Variants in ANKRD30B observed in about 807,000 individuals in gnomAD.
ANKRD30B encodes ankyrin repeat domain 30B.
ANKRD30B carries 144 observed loss-of-function variants against 202.2 expected under a neutral mutation model. The observed-to-expected ratio is 0.71, with a 90% CI of 0.62 to 0.82. The LOEUF (loss-of-function observed/expected upper bound fraction) is 0.82. Among genes scored for constraint, ANKRD30B ranks in the 40% least tolerant of loss-of-function variants. The pLI, the probability that ANKRD30B is intolerant of heterozygous loss-of-function variation, is 0.00. For synonymous variants in ANKRD30B, 508 were observed against 561.3 expected, an observed-to-expected ratio of 0.91 and a Z score of 1.34; for missense variants, 1,487 against 1,669.1, an observed-to-expected ratio of 0.89 and a Z score of 1.90.
chr18:14,876,064 T>G, the ANKRD30B span, among the ~76,000 whole-genome samples: 1 of 151,872 alleles, frequency 6.6e-6, no homozygotes, highest in African/African-American at 2.4e-5. Context: ...TTTGGACAAC[T>G]AATGTGCCTA....
the ANKRD30B span, among the ~76,000 whole-genome samples, chr18:14,921,587 T>G: frequency 6.6e-6 from 1 of 152,074 alleles, no homozygotes; most frequent in Non-Finnish European, 1.5e-5. Context: ...TAGAATAGCC[T>G]TCTAAACCAA....
rs1163180273 is a variant in ANKRD30B, at chr18:14,787,290, A to G, written c.1734+190A>G. On this transcript the variant is annotated intron_variant, in intron 15 of 43. Transcript: ENST00000690538. Reference sequence around the variant, plus strand: ...TACCACTTCATGGTGAAATTCTGTGAATTTGTAGGATTAATTTAAGAAGCC... The same window carrying G: ...TACCACTTCATGGTGAAATTCTGTGGATTTGTAGGATTAATTTAAGAAGCC... 2.6e-5 allele frequency among the ~76,000 whole-genome samples: 4 copies of G among 152,260 alleles called. No individual in the cohort carries two copies. In the South Asian group the frequency reaches 6.2e-4, roughly 24 times the overall value.
chr18:14,874,748 C>G, the ANKRD30B span, among the ~76,000 whole-genome samples: 1 of 152,342 alleles, frequency 6.6e-6, no homozygotes, highest in Non-Finnish European at 1.5e-5. Context: ...TTATCTATCC[C>G]TGTTCTTCCC....
At chr18:14,881,953 CCT>C in the ANKRD30B span, among the ~76,000 whole-genome samples, 23 of 152,036 alleles carry the variant, frequency 1.5e-4, no homozygotes, top group Admixed American at 1.3e-3. Context: ...TGTAATATCC[CCT>C]GTTTCATTTC....
intron 16 of ANKRD30B, among the ~76,000 whole-genome samples, chr18:14,792,647 A>T (rs548974343): frequency 3.3e-5 from 5 of 151,922 alleles, no homozygotes; most frequent in African/African-American, 1.2e-4. Context: ...GGTGCTCCAG[A>T]GACTTTTGGA....
intron 39 of ANKRD30B, among the ~76,000 whole-genome samples, chr18:14,846,123 T>C (rs1971628533): frequency 1.3e-5 from 2 of 152,004 alleles, no homozygotes; most frequent in African/African-American, 4.8e-5. Flanking sequence ...TACTTGAGAG[T>C]CTTCTAATGT....
chr18:14,883,369 G>GTCTGTCTCTC, the ANKRD30B span, among the ~76,000 whole-genome samples: 14 of 84,588 alleles, frequency 1.7e-4, no homozygotes, highest in African/African-American at 8.0e-4. Flanking sequence ...CTGTCTGTCT[G>GTCTGTCTCTC]TCTCTCTCTC....
chr18:14,784,613 T>C, intron 14 of ANKRD30B, 78 bp downstream of exon 14: 3 of 1,434,088 alleles, frequency 2.1e-6, no homozygotes, highest in African/African-American at 1.4e-5. Context: ...TCCCCAATGA[T>C]TTATTTCTTT....
intron 7 of ANKRD30B, among the ~76,000 whole-genome samples, chr18:14,767,099 G>C (rs1255434346): frequency 6.6e-6 from 1 of 152,180 alleles, no homozygotes; most frequent in Non-Finnish European, 1.5e-5. Context: ...AGACTGGTAA[G>C]TACACATGCC....
chr18:14,752,987 G>A lies in ANKRD30B; in HGVS notation c.485G>A (p.Gly162Asp), dbSNP rs201536919. ...LLMVATLLSYGAVIEVQNKAS... is the reference protein window; with the variant it reads ...LLMVATLLSYDAVIEVQNKAS... ...ATGGTGGCAACACTGCTGTCCTATG[G>A]TGCAGTCATCGAGGTGCAAAACAAG... The change falls in exon 3 of 44, where the codon GGT becomes GAT. Residue 162 changes from glycine to aspartate, a missense_variant. Physicochemically the swap from Gly to Asp is moderately conservative, Grantham distance 94 (BLOSUM62 -1). Coordinates refer to ENST00000690538, the MANE Select transcript of ANKRD30B (RefSeq NM_001367607.2). 748 of 1,599,986 alleles carry A rather than the reference G, an allele frequency of 4.7e-4. 1 individual carries two copies. The highest frequency in any genetic ancestry group is 5.9e-4 in the Non-Finnish European group (690 of 1,173,308).
At chr18:14,901,961 A>G in the ANKRD30B span, among the ~76,000 whole-genome samples, 9 of 152,180 alleles carry the variant, frequency 5.9e-5, no homozygotes, top group East Asian at 1.7e-3. Context: ...AGGAAGAAAA[A>G]GTTTAATTGG....
Position 14,799,637 on chromosome 18 carries a change from G to C in ANKRD30B, c.2131+342G>C, listed in dbSNP as rs1022616003. 3.3e-5 allele frequency among the ~76,000 whole-genome samples: 5 copies of C among 152,174 alleles called. No homozygotes were observed. In the South Asian group the frequency reaches 6.2e-4, roughly 19 times the overall value. ...TGTTTCAAATGCTGACTGGAATTCT[G>C]ATCTTTACTTTGAGGAAAGTTTCAC... is the stretch of plus-strand genomic sequence containing the variant. On this transcript the variant is annotated intron_variant, in intron 22 of 43. Transcript: ENST00000690538.
intron 32 of ANKRD30B, among the ~76,000 whole-genome samples, chr18:14,827,455 C>T (rs1422863648): frequency 6.6e-6 from 1 of 152,102 alleles, no homozygotes; most frequent in African/African-American, 2.4e-5. Context: ...AGCACTCAGT[C>T]TGTGGGATCT....
rs552137113 is a variant in ANKRD30B, at chr18:14,756,710, A to G, written c.618-1105A>G. On this transcript the variant is annotated intron_variant, in intron 4 of 43. Coordinates refer to ENST00000690538, the MANE Select transcript of ANKRD30B (RefSeq NM_001367607.2). ...GGAGTTTGAGACCAGCCTAGCCAAT[A>G]TGGTAAAACCGCATCTCTACTAAAA... is the stretch of plus-strand genomic sequence containing the variant. 8.5e-5 allele frequency among the ~76,000 whole-genome samples: 13 copies of G among 152,308 alleles called. No homozygotes were observed. The South Asian group carries it at 1.7e-3, about 19-fold the overall frequency.
In ANKRD30B at chr18:14,749,670, C is replaced by CAAAAA. The variant is rs55960708; in HGVS notation, c.221+1058_221+1062dup. 1.2e-3 allele frequency among the ~76,000 whole-genome samples: 75 copies of CAAAAA among 61,184 alleles called. 5 individuals are homozygous for CAAAAA. The highest frequency in any genetic ancestry group is 6.0e-3 in the East Asian group (9 of 1,498). The allele number at this position is 61,184 out of a possible 152,430, so 40.1% of individuals were successfully genotyped here. ...TAGGTGACAGAGTGAGACTCTGTCT[C>CAAAAA]AAAAAAAAAAAAAAAAAAAAAAAAA... On this transcript the variant is annotated intron_variant, in intron 1 of 43. Coordinates refer to ENST00000690538, the MANE Select transcript of ANKRD30B (RefSeq NM_001367607.2).
chr18:14,781,094 A>G (rs1420633065), intron 11 of ANKRD30B, among the ~76,000 whole-genome samples: 2 of 152,334 alleles, frequency 1.3e-5, no homozygotes, highest in African/African-American at 4.8e-5. Context: ...TAATTTGTCC[A>G]TAGACCAAAA....
Position 14,851,535 on chromosome 18 carries a change from T to C in ANKRD30B, c.3591T>C (p.Asn1197=). Residue 1197 remains asparagine, a synonymous_variant, in exon 42 of 44, where the codon AAT becomes AAC. Transcript: ENST00000690538. ...NQVSHTHESE[N]DLFHENCMLK... is the part of the protein sequence containing the mutation. The stretch of plus-strand genomic sequence containing the variant: ...TTTCTCACACTCATGAAAGTGAAAA[T>C]GATCTCTTTCATGAAAATTGCATGT... The C allele has an allele frequency of 6.4e-7, 1 of 1,550,466 alleles. No individual in the cohort carries two copies. Among genetic ancestry groups the C allele is most frequent in the Non-Finnish European group, 8.7e-7 (1 of 1,153,854 alleles).
chr18:14,861,254 G>C, the ANKRD30B span, among the ~76,000 whole-genome samples: 3 of 152,178 alleles, frequency 2.0e-5, no homozygotes, highest in Admixed American at 1.3e-4. Context: ...CACTATAAAA[G>C]GAAGAAAACC....
intron 9 of ANKRD30B, among the ~76,000 whole-genome samples, chr18:14,772,709 GTTT>G (rs34769482): frequency 1.0e-3 from 115 of 113,754 alleles, no homozygotes; most frequent in African/African-American, 2.9e-3. Context: ...AGCATATAGG[GTTT>G]TTTTTTTTTT....
Sources: allele counts gnomAD v4.1 joint callset (sites outside exome capture counted in the v4.1 genomes callset), GRCh38; gene constraint gnomAD v4.1.1; transcripts MANE v1.5; gene names NCBI Gene and HGNC (gene_info 2026-07-23, HGNC 2026-07-21).